SOX6: variants seen among roughly 807,000 people sequenced by gnomAD.
The protein encoded by SOX6 is SRY-box transcription factor 6.
Under a neutral mutation model 97.8 loss-of-function variants are expected in SOX6, and 11 were observed. That is an observed-to-expected ratio of 0.11 (90% CI 0.07 to 0.19). The LOEUF (loss-of-function observed/expected upper bound fraction) is 0.19, where lower values mean the gene tolerates loss of function less well. Ranked by LOEUF, SOX6 falls within the 10% of genes least tolerant of loss-of-function variation. SOX6 has a pLI of 1.00. For missense variants in SOX6, 810 were observed against 1,039.5 expected (o/e 0.78, Z 3.04); for synonymous variants, 360 against 371.4 (o/e 0.97, Z 0.35).
chr11:16,074,823 C>T (rs1444971538), intron 9 of SOX6, among the ~76,000 whole-genome samples: 2 of 152,080 alleles, frequency 1.3e-5, no homozygotes, highest in Non-Finnish European at 2.9e-5. Context: ...CAATGCAATT[C>T]CTATCAAACT....
chr11:16,639,896 T>C (rs1848867906), intron 3 of SOX6, among the ~76,000 whole-genome samples: 1 of 152,148 alleles, frequency 6.6e-6, no homozygotes, highest in African/African-American at 2.4e-5. Context: ...TTGAATACCC[T>C]TTATTTCCTT....
intron 2 of SOX6, among the ~76,000 whole-genome samples, chr11:16,730,761 G>A (rs1848343530): frequency 6.6e-6 from 1 of 151,016 alleles, no homozygotes; most frequent in South Asian, 2.1e-4. Context: ...AGAACTGAAG[G>A]AGACAGAGAC....
chr11:16,225,497 G>C (rs1388018535), intron 4 of SOX6, among the ~76,000 whole-genome samples: 3 of 135,230 alleles, frequency 2.2e-5, no homozygotes, highest in Admixed American at 7.4e-5. Context: ...AAAAAAAACA[G>C]AGTATTCTGT....
In SOX6 at chr11:16,046,566, C is replaced by T. The variant is rs150766360; in HGVS notation, c.1571G>A (p.Gly524Glu). ...CATATTATTTATGGAGGACAGTTTC[C>T]CGTCAACACCATGTGGCTGTTGCTG... ...QQQQQPHGVD[G>E]KLSSINNMGL... The change falls in exon 12 of 16, where the codon GGG (glycine) becomes GAG (glutamate). Residue 524 changes from glycine to glutamate, a missense_variant. Gly to Glu is a moderately conservative substitution (Grantham distance 98). This residue lies in a region of SOX6 where 120 missense variants were observed against 127.0 expected (regional missense o/e 0.94). Coordinates refer to ENST00000683767, the MANE Select transcript of SOX6 (RefSeq NM_001367873.1). 1.2e-6 allele frequency: 2 copies of T among 1,613,584 alleles called. No individual in the cohort carries two copies. Among genetic ancestry groups the T allele is most frequent in the African/African-American group, 2.7e-5 (2 of 74,890 alleles).
intron 4 of SOX6, among the ~76,000 whole-genome samples, chr11:16,199,788 A>T (rs1851884193): frequency 1.3e-5 from 2 of 152,214 alleles, no homozygotes. Flanking sequence ...TTCAGAAAAT[A>T]TTACATCTAG....
At chr11:16,151,059 T>C (rs1379777140) in intron 6 of SOX6, among the ~76,000 whole-genome samples, 1 of 152,178 alleles carries the variant, frequency 6.6e-6, no homozygotes, top group African/African-American at 2.4e-5. Flanking sequence ...CAATTAATAC[T>C]TTTGGATTTT....
At chr11:16,427,794 G>T (rs1024936461) in intron 1 of SOX6, among the ~76,000 whole-genome samples, 1 of 152,150 alleles carries the variant, frequency 6.6e-6, no homozygotes, top group Non-Finnish European at 1.5e-5. Flanking sequence ...AAACATATGT[G>T]TGCATGTGTC....
chr11:16,065,935 C>A (rs1224044475), intron 9 of SOX6, among the ~76,000 whole-genome samples: 2 of 152,116 alleles, frequency 1.3e-5, no homozygotes, highest in African/African-American at 2.4e-5. Flanking sequence ...AGTTAAAAAT[C>A]TTCTGCACAG....
At chr11:16,562,600 G>A (rs2133192931) in intron 4 of SOX6, among the ~76,000 whole-genome samples, 1 of 152,060 alleles carries the variant, frequency 6.6e-6, no homozygotes, top group South Asian at 2.1e-4. Context: ...CTTTAATGAG[G>A]TACCCAATAC....
intron 3 of SOX6, among the ~76,000 whole-genome samples, chr11:16,637,532 A>G (rs1033973934): frequency 6.6e-6 from 1 of 152,154 alleles, no homozygotes; most frequent in South Asian, 2.1e-4. Flanking sequence ...CAATAGTTTC[A>G]AAATAAATTT....
intron 13 of SOX6, 38 bp downstream of exon 13, chr11:16,014,904 A>G: frequency 6.4e-7 from 1 of 1,568,618 alleles, no homozygotes; most frequent in Non-Finnish European, 8.8e-7. Context: ...TTGGAAACAC[A>G]TGGAGCAGCA....
chr11:16,453,605 G>A (rs1859758765), intron 1 of SOX6, among the ~76,000 whole-genome samples: 1 of 152,008 alleles, frequency 6.6e-6, no homozygotes, highest in African/African-American at 2.4e-5. Context: ...TAAGAAAAAT[G>A]AATTAAACTC....
intron 4 of SOX6, among the ~76,000 whole-genome samples, chr11:16,530,840 C>T (rs1388643837): frequency 1.3e-5 from 2 of 151,418 alleles, no homozygotes; most frequent in African/African-American, 4.8e-5. Context: ...ACACGGATAG[C>T]CTGACTTAAG....
chr11:16,374,654 G>C (rs1393954615), intron 1 of SOX6, among the ~76,000 whole-genome samples: 1 of 151,944 alleles, frequency 6.6e-6, no homozygotes, highest in Non-Finnish European at 1.5e-5. Flanking sequence ...AAAACATGTG[G>C]TGAGGTTTCT....
chr11:16,003,264 C>T (rs1248093681), intron 13 of SOX6, among the ~76,000 whole-genome samples: 1 of 151,966 alleles, frequency 6.6e-6, no homozygotes, highest in Non-Finnish European at 1.5e-5. Flanking sequence ...TCTCCACACA[C>T]TGTGTTGTGT....
chr11:16,336,997 A>G (rs1372046514), intron 2 of SOX6, among the ~76,000 whole-genome samples: 2 of 152,096 alleles, frequency 1.3e-5, no homozygotes, highest in African/African-American at 4.8e-5. Flanking sequence ...TTTTCTTCAT[A>G]GTACTTATCA....
chr11:16,241,038 T>C (rs1853180542), intron 3 of SOX6, among the ~76,000 whole-genome samples: 1 of 152,114 alleles, frequency 6.6e-6, no homozygotes, highest in Non-Finnish European at 1.5e-5. Flanking sequence ...CAAAAAATCC[T>C]GCATATTGCA....
intron 4 of SOX6, among the ~76,000 whole-genome samples, chr11:16,611,385 C>T (rs1291530420): frequency 2.6e-5 from 4 of 152,212 alleles, no homozygotes; most frequent in African/African-American, 9.7e-5. Flanking sequence ...TCAGGAAGGA[C>T]TTCAAAGCTA....
At chr11:16,166,306 A>G (rs1850886278) in intron 6 of SOX6, among the ~76,000 whole-genome samples, 1 of 152,230 alleles carries the variant, frequency 6.6e-6, no homozygotes, top group Admixed American at 6.5e-5. Context: ...ACCAAATCCT[A>G]AGTTTCCAAC....
Sources: allele counts gnomAD v4.1 joint callset (sites outside exome capture counted in the v4.1 genomes callset), GRCh38; gene constraint gnomAD v4.1.1; regional missense constraint gnomAD v4.1.1; transcripts MANE v1.5; gene names NCBI Gene and HGNC (gene_info 2026-07-23, HGNC 2026-07-21).